Variants in SLIT3 observed in about 807,000 individuals in gnomAD.
SLIT3 encodes the protein slit guidance ligand 3.
SLIT3 carries 68 observed loss-of-function variants against 184.0 expected under a neutral mutation model. That is an observed-to-expected ratio of 0.37 (90% CI 0.30 to 0.45). SLIT3 has a LOEUF of 0.45. Ranked by LOEUF, SLIT3 falls within the 20% of genes least tolerant of loss-of-function variation. SLIT3 has a pLI of 1.00. For missense variants in SLIT3, 1,707 were observed against 2,026.0 expected (o/e 0.84, Z 3.02); for synonymous variants, 831 against 828.6 (o/e 1.00, Z -0.05).
intron 4 of SLIT3, among the ~76,000 whole-genome samples, chr5:168,915,284 T>C (rs72829604): frequency 0.013 from 1,934 of 152,342 alleles, 18 homozygotes; most frequent in Non-Finnish European, 0.017. Context: ...CAGTCATCAA[T>C]GAATGCTAAA....
intron 1 of SLIT3, among the ~76,000 whole-genome samples, chr5:169,255,630 T>C (rs1404354369): frequency 6.6e-6 from 1 of 152,198 alleles, no homozygotes; most frequent in African/African-American, 2.4e-5. Context: ...AAGCCTGTAA[T>C]CCCAGCACTT....
intron 4 of SLIT3, among the ~76,000 whole-genome samples, chr5:169,071,938 A>G (rs1385073416): frequency 2.6e-5 from 4 of 152,228 alleles, no homozygotes; most frequent in African/African-American, 9.7e-5. Flanking sequence ...ACAGAGAGAC[A>G]GTAGAAGGTA....
At chr5:169,240,005 T>G (rs1447784875) in intron 3 of SLIT3, among the ~76,000 whole-genome samples, 1 of 152,072 alleles carries the variant, frequency 6.6e-6, no homozygotes, top group Admixed American at 6.6e-5. Flanking sequence ...ATGTTCTAAT[T>G]TCCACTGTGA....
chr5:169,100,195 AAGAGCCTAGGAAGAATGGTGAACAT>A (rs1759955032), intron 4 of SLIT3, among the ~76,000 whole-genome samples: 1 of 152,212 alleles, frequency 6.6e-6, no homozygotes, highest in African/African-American at 2.4e-5. Context: ...CCAAAGCTAG[AAGAGCCTAGGAAGAATGGTGAACAT>A]GGAATCCCCT....
rs1761943712 is a variant in SLIT3 at position 168,692,650 on chromosome 5, A to G, written c.3133T>C (p.Cys1045Arg). 2.5e-6 allele frequency: 4 copies of G among 1,614,086 alleles called. No homozygotes were observed. The highest frequency in any genetic ancestry group is 1.7e-6 in the Non-Finnish European group (2 of 1,179,976). Reference sequence around the variant, plus strand: ...GGGATGCACTTGGCCTCATGCTGACAGAGGTTCAGCTCAGGCACACAGTGG... The same window carrying G: ...GGGATGCACTTGGCCTCATGCTGACGGAGGTTCAGCTCAGGCACACAGTGG... ...IDHCVPELNLCQHEAKCIPLD... is the reference protein window; with the variant it reads ...IDHCVPELNLRQHEAKCIPLD... Residue 1045 changes from cysteine to arginine, a missense_variant, in exon 29 of 36, where the codon TGT becomes CGT. Coordinates refer to ENST00000519560, the MANE Select transcript of SLIT3 (RefSeq NM_003062.4).
At chr5:169,243,195 C>G (rs929836035) in intron 3 of SLIT3, among the ~76,000 whole-genome samples, 2 of 152,106 alleles carry the variant, frequency 1.3e-5, no homozygotes, top group African/African-American at 4.8e-5. Flanking sequence ...AGTTCCTTCC[C>G]CAAAACCAGG....
intron 4 of SLIT3, among the ~76,000 whole-genome samples, chr5:169,182,311 T>C (rs2113445122): frequency 6.6e-6 from 1 of 152,344 alleles, no homozygotes; most frequent in African/African-American, 2.4e-5. Context: ...AACGTCTCCA[T>C]TTCTATTTGG....
chr5:168,810,716 G>T lies in SLIT3; in HGVS notation c.794-4129C>A, dbSNP rs184219544. Among the ~76,000 whole-genome samples, 3 of 152,238 alleles carry T rather than the reference G, an allele frequency of 2.0e-5. No individual in the cohort carries two copies. In the South Asian group the frequency reaches 6.2e-4, roughly 32 times the overall value. On this transcript the variant is annotated intron_variant, in intron 8 of 35. Coordinates refer to ENST00000519560, the MANE Select transcript of SLIT3 (RefSeq NM_003062.4). The stretch of plus-strand genomic sequence containing the variant: ...TTCCTAACCTTCAGATGTCTTTAAG[G>T]CCCCCTGGACCATGGCCTGATGACT...
intron 8 of SLIT3, among the ~76,000 whole-genome samples, chr5:168,815,468 C>T (rs902057571): frequency 3.9e-5 from 6 of 152,190 alleles, no homozygotes; most frequent in Non-Finnish European, 8.8e-5. Flanking sequence ...CTCTCGTACT[C>T]TATAATTATT....
At chr5:169,298,611 T>C (rs1667495471) in intron 1 of SLIT3, among the ~76,000 whole-genome samples, 2 of 152,204 alleles carry the variant, frequency 1.3e-5, no homozygotes, top group Admixed American at 6.5e-5. Context: ...CAGCCTATTC[T>C]AAGATCCAAG....
intron 4 of SLIT3, among the ~76,000 whole-genome samples, chr5:169,107,645 G>A (rs979215292): frequency 2.0e-5 from 3 of 152,222 alleles, no homozygotes; most frequent in African/African-American, 7.2e-5. Context: ...CTGGGAATGT[G>A]CAGAAGGCTT....
At chr5:168,790,146 T>C (rs1447191282) in intron 10 of SLIT3, 1 of 153,594 alleles carries the variant, frequency 6.5e-6, no homozygotes, top group East Asian at 1.9e-4. Context: ...AAAGGAGCTT[T>C]TGAGCAGTGA....
intron 4 of SLIT3, among the ~76,000 whole-genome samples, chr5:168,944,638 T>C (rs909311106): frequency 1.3e-5 from 2 of 151,972 alleles, no homozygotes; most frequent in African/African-American, 4.8e-5. Context: ...AAAGAGGAAG[T>C]ATGGGTTGAG....
intron 20 of SLIT3, among the ~76,000 whole-genome samples, chr5:168,726,776 C>T (rs1212115797): frequency 6.6e-6 from 1 of 150,624 alleles, no homozygotes; most frequent in Non-Finnish European, 1.5e-5. Context: ...AGTTTGAGAC[C>T]AGCCTGGCCA....
intron 4 of SLIT3, among the ~76,000 whole-genome samples, chr5:168,888,544 T>G (rs903275605): frequency 2.7e-4 from 41 of 152,146 alleles, no homozygotes; most frequent in African/African-American, 9.7e-4. Flanking sequence ...AATATCACTC[T>G]CAAAAGACGG....
chr5:169,102,662 T>C (rs1297604242), intron 4 of SLIT3, among the ~76,000 whole-genome samples: 1 of 152,190 alleles, frequency 6.6e-6, no homozygotes, highest in Non-Finnish European at 1.5e-5. Flanking sequence ...AGTGTGTGTG[T>C]GTTTGTGTGT....
In SLIT3 at chr5:169,097,878, A is replaced by G. The variant is rs1021687908; in HGVS notation, c.413+95601T>C. On this transcript the variant is annotated intron_variant, in intron 4 of 35. Coordinates refer to ENST00000519560, the MANE Select transcript of SLIT3 (RefSeq NM_003062.4). Reference sequence around the variant, plus strand: ...TCAAGTGCATTTTCCAGTCCGTTTCATGCCAACTGAAAAGCTGAGACCTGC... The same window carrying G: ...TCAAGTGCATTTTCCAGTCCGTTTCGTGCCAACTGAAAAGCTGAGACCTGC... 2.0e-5 allele frequency among the ~76,000 whole-genome samples: 3 copies of G among 152,356 alleles called. No individual in the cohort carries two copies. The East Asian group carries it at 5.8e-4, about 29-fold the overall frequency.
chr5:168,796,326 T>TG (rs771587731), intron 9 of SLIT3, among the ~76,000 whole-genome samples: 92 of 152,348 alleles, frequency 6.0e-4, no homozygotes, highest in South Asian at 1.5e-3. Flanking sequence ...GAAGGGGCCG[T>TG]GGGGAATGAG....
At chr5:169,105,738 G>C (rs1037268214) in intron 4 of SLIT3, among the ~76,000 whole-genome samples, 5 of 152,310 alleles carry the variant, frequency 3.3e-5, no homozygotes, top group Non-Finnish European at 7.4e-5. Flanking sequence ...TTAGTTTGCT[G>C]AGGATATGGC....
Sources: gnomAD v4.1 joint callset for allele counts (sites outside exome capture counted in the v4.1 genomes callset) on GRCh38, gnomAD v4.1.1 for gene constraint, MANE v1.5 for transcripts, NCBI Gene and HGNC (gene_info 2026-07-23, HGNC 2026-07-21) for gene names.